KIF1A: variants seen among roughly 807,000 people sequenced by gnomAD.
KIF1A encodes kinesin family member 1A.
In KIF1A, 46 loss-of-function variants were observed where a neutral mutation model predicts 227.3. That is an observed-to-expected ratio of 0.20 (90% CI 0.16 to 0.26). The LOEUF (loss-of-function observed/expected upper bound fraction) is 0.26, where lower values mean the gene tolerates loss of function less well. KIF1A is among the 10% of genes least tolerant of loss of function. The pLI is 1.00. For synonymous variants in KIF1A, 1,022 were observed against 1,012.8 expected, an observed-to-expected ratio of 1.01 and a Z score of -0.17; for missense variants, 1,683 against 2,485.9, an observed-to-expected ratio of 0.68 and a Z score of 6.87.
chr2:240,784,986 C>A lies in KIF1A; in HGVS notation c.720+3G>T, dbSNP rs759856763. On this transcript the variant is annotated splice_donor_region_variant and intron_variant, in intron 7 of 48. Transcript: ENST00000498729. ...GGCACCGCCTGTGAGGCCACTCACT[C>A]ACCTTCTCCGTGGTGATATTGGTCT... 1.9e-6 allele frequency: 3 copies of A among 1,612,398 alleles called. No homozygotes were observed. The South Asian group carries it at 3.3e-5, about 18-fold the overall frequency.
rs938181194 is a variant in KIF1A, at chr2:240,791,373, C to T, written c.107-2061G>A. Among the ~76,000 whole-genome samples the T allele has an allele frequency of 4.6e-5, 7 of 152,136 alleles. No homozygotes were observed. The East Asian group carries it at 1.2e-3, about 25-fold the overall frequency. On this transcript the variant is annotated intron_variant, in intron 2 of 48. Transcript: ENST00000498729. ...CCTTGCTCAAGCCAGCAACACCCAC[C>T]GTGTCCACCTCATCCCCTCACTCCG...
chr2:240,765,478 G>C (rs543270992), intron 20 of KIF1A, among the ~76,000 whole-genome samples: 1 of 152,238 alleles, frequency 6.6e-6, no homozygotes, highest in African/African-American at 2.4e-5. Context: ...TCAGTGTCTC[G>C]GGGCCCCTGT....
intron 44 of KIF1A, 95 bp from the exon 45 acceptor site, chr2:240,721,133 G>T (rs2045323364): frequency 3.4e-6 from 5 of 1,468,870 alleles, no homozygotes; most frequent in Non-Finnish European, 4.7e-6. Context: ...CCCCACACCT[G>T]CTGCTTAGGG....
chr2:240,771,183 T>C (rs755133413), intron 14 of KIF1A, 79 bp from the exon 15 acceptor site: 8 of 1,578,882 alleles, frequency 5.1e-6, no homozygotes, highest in South Asian at 3.4e-5. Context: ...GACACGTCTA[T>C]GGGGAGGAGG....
chr2:240,767,447 G>T (rs892600923), intron 17 of KIF1A, 102 bp from the exon 18 acceptor site: 1 of 959,670 alleles, frequency 1.0e-6, no homozygotes, highest in Non-Finnish European at 1.6e-6. Context: ...CTACCACCAG[G>T]GTCCCTGCCC....
At chr2:240,731,186 G>C (rs1575534649) in intron 38 of KIF1A, among the ~76,000 whole-genome samples, 1 of 152,218 alleles carries the variant, frequency 6.6e-6, no homozygotes, top group Admixed American at 6.5e-5. Context: ...GGTGCCTGGA[G>C]GAGGGCCCAC....
chr2:240,768,871 A>T (rs1559512223), intron 17 of KIF1A, among the ~76,000 whole-genome samples: 16 of 152,022 alleles, frequency 1.1e-4, no homozygotes, highest in Admixed American at 1.0e-3. Context: ...GACCTTGGAG[A>T]GCCCAGTCCA....
At chr2:240,811,698 G>A (rs147371604) in intron 1 of KIF1A, among the ~76,000 whole-genome samples, 99 of 152,300 alleles carry the variant, frequency 6.5e-4, no homozygotes, top group African/African-American at 2.3e-3. Context: ...GTGAGGTCAC[G>A]CTGGCTGGAG....
chr2:240,746,992 G>A (rs759098666), intron 29 of KIF1A, among the ~76,000 whole-genome samples: 3 of 152,314 alleles, frequency 2.0e-5, no homozygotes, highest in Non-Finnish European at 4.4e-5. Flanking sequence ...TCTGCGCCCC[G>A]ACTTGGACCC....
At chr2:240,787,896 C>T (rs570529566) in intron 4 of KIF1A, among the ~76,000 whole-genome samples, 155 bp downstream of exon 4, 1 of 152,282 alleles carries the variant, frequency 6.6e-6, no homozygotes, top group Admixed American at 6.5e-5. Context: ...CTGGCTCTCA[C>T]CTGCCCCAGC....
intron 20 of KIF1A, 95 bp from the exon 21 acceptor site, chr2:240,763,441 T>A: frequency 8.3e-7 from 1 of 1,205,302 alleles, no homozygotes; most frequent in Non-Finnish European, 1.1e-6. Context: ...GGGGAACGGG[T>A]GCAGGCACCC....
At chr2:240,748,266 G>A (rs548064442) in intron 28 of KIF1A, among the ~76,000 whole-genome samples, 12 of 152,312 alleles carry the variant, frequency 7.9e-5, no homozygotes, top group African/African-American at 2.9e-4. Context: ...TCTGAGAGGT[G>A]GGGGTACCTC....
Position 240,787,325 on chromosome 2 carries a change from A to G in KIF1A, c.364-9T>C. ...AAGAGGTCCTCGCAGAGCTGCAGGA[A>G]TGGGGGGACAGTCAGCCAGGGAGGG... On this transcript the variant is annotated splice_polypyrimidine_tract_variant and intron_variant, in intron 4 of 48. Coordinates refer to ENST00000498729, the MANE Select transcript of KIF1A (RefSeq NM_001244008.2). The G allele has an allele frequency of 6.2e-7, 1 of 1,612,260 alleles. No homozygotes were observed. The highest frequency in any genetic ancestry group is 8.5e-7 in the Non-Finnish European group (1 of 1,179,000).
chr2:240,776,356 C>T (rs1270726511), intron 10 of KIF1A, among the ~76,000 whole-genome samples: 8 of 152,248 alleles, frequency 5.3e-5, no homozygotes, highest in Non-Finnish European at 1.5e-5. Context: ...TGTGGCCCTC[C>T]AGGCCCCTAT....
intron 15 of KIF1A, among the ~76,000 whole-genome samples, chr2:240,770,754 G>C (rs1156654141): frequency 1.3e-5 from 2 of 152,202 alleles, no homozygotes; most frequent in African/African-American, 4.8e-5. Flanking sequence ...CCCACAGCCT[G>C]GGGACCCCCA....
chr2:240,796,971 A>G (rs964718045), intron 2 of KIF1A, among the ~76,000 whole-genome samples: 1 of 152,092 alleles, frequency 6.6e-6, no homozygotes, highest in African/African-American at 2.4e-5. Flanking sequence ...TGTGAATGGG[A>G]AGGCTGTCAT....
At chr2:240,796,643 G>A (rs1198015065) in intron 2 of KIF1A, among the ~76,000 whole-genome samples, 1 of 152,190 alleles carries the variant, frequency 6.6e-6, no homozygotes, top group East Asian at 1.9e-4. Context: ...CACAGCCGCA[G>A]CAGCCTCCAT....
chr2:240,800,806 G>A (rs1436104334), intron 1 of KIF1A, among the ~76,000 whole-genome samples: 3 of 152,210 alleles, frequency 2.0e-5, no homozygotes, highest in African/African-American at 7.2e-5. Context: ...AGGGTCCTCC[G>A]GGAGGAGAAT....
At chr2:240,804,675 C>A (rs192797808) in intron 1 of KIF1A, among the ~76,000 whole-genome samples, 1 of 152,134 alleles carries the variant, frequency 6.6e-6, no homozygotes, top group African/African-American at 2.4e-5. Flanking sequence ...ATCTGAATGA[C>A]GCCCAGCTCT....
Sources: gnomAD v4.1 joint callset for allele counts (sites outside exome capture counted in the v4.1 genomes callset) on GRCh38, gnomAD v4.1.1 for gene constraint, MANE v1.5 for transcripts, NCBI Gene and HGNC (gene_info 2026-07-23, HGNC 2026-07-21) for gene names.